Variants in FAM227B observed in about 807,000 individuals in gnomAD.
FAM227B encodes protein FAM227B.
In FAM227B, 88 loss-of-function variants were observed where a neutral mutation model predicts 73.8. That is an observed-to-expected ratio of 1.19 (90% CI 1.00 to 1.42). The LOEUF is 1.42. Among genes scored for constraint, FAM227B ranks in the 40% most tolerant of loss-of-function variants. FAM227B has a pLI of 0.00. For missense variants in FAM227B, 632 were observed against 590.9 expected, an observed-to-expected ratio of 1.07 and a Z score of -0.72; for synonymous variants, 210 against 190.5, an observed-to-expected ratio of 1.10 and a Z score of -0.84.
chr15:49,589,238 T>C (rs1001620159), intron 4 of FAM227B, among the ~76,000 whole-genome samples: 3 of 152,172 alleles, frequency 2.0e-5, no homozygotes, highest in Admixed American at 2.0e-4. Flanking sequence ...ATCACCCCTT[T>C]TACTTTCAGT....
chr15:49,360,061 G>C (rs1185718575), intron 13 of FAM227B, among the ~76,000 whole-genome samples: 2 of 137,736 alleles, frequency 1.5e-5, no homozygotes, highest in Non-Finnish European at 3.1e-5. Flanking sequence ...GACACAGGAA[G>C]GGGAATATCA....
intron 13 of FAM227B, among the ~76,000 whole-genome samples, chr15:49,359,784 G>A (rs1242279676): frequency 5.9e-5 from 8 of 134,746 alleles, no homozygotes; most frequent in African/African-American, 2.3e-4. Flanking sequence ...AAAGACACAT[G>A]CACATGTATG....
At chr15:49,620,087 A>C (rs2153348060) in intron 1 of FAM227B, 1 of 152,272 alleles carries the variant, frequency 6.6e-6, no homozygotes, top group South Asian at 2.1e-4. Flanking sequence ...TCCCCTTTCC[A>C]GTTGAAAAAC....
At chr15:49,387,856 C>T (rs996319027) in intron 11 of FAM227B, among the ~76,000 whole-genome samples, 4 of 151,512 alleles carry the variant, frequency 2.6e-5, no homozygotes, top group East Asian at 1.9e-4. Context: ...AGATCAAGAA[C>T]GTGATCTCTT....
intron 11 of FAM227B, among the ~76,000 whole-genome samples, chr15:49,411,589 A>T (rs1328889909): frequency 6.6e-6 from 1 of 152,118 alleles, no homozygotes; most frequent in Non-Finnish European, 1.5e-5. Flanking sequence ...AGTACATATA[A>T]AACATTTCAT....
intron 11 of FAM227B, 92 bp from the exon 12 acceptor site, chr15:49,371,491 C>T: frequency 1.6e-6 from 1 of 645,098 alleles, no homozygotes; most frequent in Admixed American, 2.7e-5. Flanking sequence ...TAACAATGCA[C>T]CCTAAACATG....
At chr15:49,455,946 A>G (rs1369155047) in intron 11 of FAM227B, among the ~76,000 whole-genome samples, 1 of 152,062 alleles carries the variant, frequency 6.6e-6, no homozygotes, top group African/African-American at 2.4e-5. Context: ...AATGGGAACT[A>G]TGTTGTTTAG....
rs745764719 is a variant in FAM227B at position 49,575,128 on chromosome 15, G to A, written c.547-19C>T. ...CTCTTTCCTATGGAAAAAAACAAGAGAGAGATGCATGGAGATTAAAATATA... is the reference window on the plus strand; with the variant it reads ...CTCTTTCCTATGGAAAAAAACAAGAAAGAGATGCATGGAGATTAAAATATA... On this transcript the variant is annotated intron_variant, in intron 7 of 15. Coordinates refer to ENST00000299338, the MANE Select transcript of FAM227B (RefSeq NM_152647.3). 7.8e-7 allele frequency: 1 copy of A among 1,275,816 alleles called. No homozygotes were observed. Among genetic ancestry groups the A allele is most frequent in the Admixed American group, 2.0e-5 (1 of 51,246 alleles). 79.0% of individuals were successfully genotyped at this position (1,275,816 alleles called of 1,614,324 possible).
intron 11 of FAM227B, among the ~76,000 whole-genome samples, chr15:49,384,546 T>C (rs1486122644): frequency 2.0e-5 from 3 of 151,988 alleles, no homozygotes; most frequent in African/African-American, 7.2e-5. Context: ...GCGATCCTCT[T>C]AGTTGTTGAT....
intron 11 of FAM227B, among the ~76,000 whole-genome samples, chr15:49,381,471 G>A (rs1305516484): frequency 2.0e-5 from 3 of 152,126 alleles, no homozygotes; most frequent in African/African-American, 7.2e-5. Flanking sequence ...AAGAAACATG[G>A]TTCCTTGGTG....
At chr15:49,530,049 T>G (rs1160604327) in intron 10 of FAM227B, among the ~76,000 whole-genome samples, 1 of 151,816 alleles carries the variant, frequency 6.6e-6, no homozygotes, top group Admixed American at 6.6e-5. Context: ...GAAACCCTTT[T>G]GTTCAAATTA....
chr15:49,402,995 G>A (rs2048276286), intron 11 of FAM227B, among the ~76,000 whole-genome samples: 1 of 152,152 alleles, frequency 6.6e-6, no homozygotes, highest in East Asian at 1.9e-4. Flanking sequence ...AAAGCATGTT[G>A]AATTTTATTG....
At chr15:49,560,721 T>C (rs538341398) in intron 9 of FAM227B, among the ~76,000 whole-genome samples, 6 of 152,306 alleles carry the variant, frequency 3.9e-5, no homozygotes, top group African/African-American at 7.2e-5. Flanking sequence ...GGAGGTCTAT[T>C]TTCAGCACTG....
At chr15:49,355,402 A>G (rs1290480980) in intron 13 of FAM227B, among the ~76,000 whole-genome samples, 3 of 152,190 alleles carry the variant, frequency 2.0e-5, no homozygotes, top group Non-Finnish European at 2.9e-5. Flanking sequence ...TAAAGGAGCT[A>G]ATGGAGCTGA....
intron 10 of FAM227B, among the ~76,000 whole-genome samples, chr15:49,511,570 GC>G (rs1365539094): frequency 6.6e-6 from 1 of 152,022 alleles, no homozygotes; most frequent in African/African-American, 2.4e-5. Context: ...TAGGTACTAA[GC>G]CCAGCAACCA....
intron 11 of FAM227B, among the ~76,000 whole-genome samples, chr15:49,414,724 G>T (rs961071259): frequency 2.0e-5 from 3 of 152,222 alleles, no homozygotes; most frequent in Admixed American, 6.6e-5. Flanking sequence ...ATGTGAAAGT[G>T]ATAATTGATA....
At position 49,613,079 on chromosome 15, in the gene FAM227B, T is replaced by C. The variant is rs75628907; in HGVS notation, c.52-1811A>G. 6.6e-5 allele frequency among the ~76,000 whole-genome samples: 10 copies of C among 152,220 alleles called. No homozygotes were observed. In the East Asian group the frequency reaches 1.9e-3, roughly 29 times the overall value. ...AAATATAGGTTAGGGTCAAGCACAG[T>C]GGCTCATGCCTATAATACCAGCACA... On this transcript the variant is annotated intron_variant, in intron 2 of 15. Transcript: ENST00000299338.
Position 49,327,219 on chromosome 15 carries a change from A to ATATC in FAM227B, c.*1345_*1348dup, listed in dbSNP as rs1245468229. ...ATAGTTGTTGTCATCCCAATCAGATATATCTCATCTGATGTCAACTTCTGA... is the reference window on the plus strand; with the variant it reads ...ATAGTTGTTGTCATCCCAATCAGATATATCTATCTCATCTGATGTCAACTTCTGA... On this transcript the variant is annotated 3_prime_UTR_variant, in exon 16 of 16. Coordinates refer to ENST00000299338, the MANE Select transcript of FAM227B (RefSeq NM_152647.3). The ATATC allele has an allele frequency of 6.6e-6, 1 of 152,240 alleles. No individual in the cohort carries two copies. 9.4% of individuals were successfully genotyped at this position (152,240 alleles called of 1,614,324 possible). A position where few individuals can be genotyped will look rare whatever the true frequency, so the allele number is the denominator to read the frequency against.
intron 5 of FAM227B, among the ~76,000 whole-genome samples, chr15:49,579,836 A>G (rs1567624202): frequency 6.6e-6 from 1 of 152,134 alleles, no homozygotes; most frequent in Non-Finnish European, 1.5e-5. Context: ...GCTATTCTAA[A>G]TAACCTGATT....
Sources: gnomAD v4.1 joint callset for allele counts (sites outside exome capture counted in the v4.1 genomes callset) on GRCh38, gnomAD v4.1.1 for gene constraint, MANE v1.5 for transcripts, NCBI Gene and HGNC (gene_info 2026-07-23, HGNC 2026-07-21) for gene names.